NEGR1: variants seen among roughly 807,000 people sequenced by gnomAD.
NEGR1 encodes the protein IgLON family member 4.
In NEGR1, 10 loss-of-function variants were observed where a neutral mutation model predicts 40.9. The observed-to-expected ratio is 0.24, with a 90% CI of 0.15 to 0.42. The LOEUF (loss-of-function observed/expected upper bound fraction) is 0.42, where lower values mean the gene tolerates loss of function less well. Among genes scored for constraint, NEGR1 ranks in the 10% least tolerant of loss-of-function variants. The probability of loss-of-function intolerance (pLI) is 1.00; values close to 1 mark genes in which losing one functional copy is unlikely to be tolerated. For missense variants in NEGR1, 352 were observed against 438.9 expected, an observed-to-expected ratio of 0.80 and a Z score of 1.77; for synonymous variants, 185 against 166.8, an observed-to-expected ratio of 1.11 and a Z score of -0.84.
At chr1:71,604,274 C>A (rs572628826) in intron 5 of NEGR1, among the ~76,000 whole-genome samples, 1 of 152,008 alleles carries the variant, frequency 6.6e-6, no homozygotes, top group Non-Finnish European at 1.5e-5. Flanking sequence ...CATAATAAAG[C>A]CTTGAAAATC....
intron 1 of NEGR1, among the ~76,000 whole-genome samples, chr1:71,988,915 T>C (rs1377629194): frequency 3.4e-5 from 4 of 119,158 alleles, no homozygotes; most frequent in African/African-American, 1.3e-4. Context: ...CTCTATCATA[T>C]TGGATGTTAA....
At chr1:71,493,211 C>A (rs979082975) in intron 6 of NEGR1, among the ~76,000 whole-genome samples, 2 of 152,120 alleles carry the variant, frequency 1.3e-5, no homozygotes, top group Admixed American at 6.6e-5. Flanking sequence ...AATCCAGGCT[C>A]TCCCTCATCT....
intron 2 of NEGR1, among the ~76,000 whole-genome samples, chr1:71,850,796 G>A: frequency 6.6e-6 from 1 of 151,906 alleles, no homozygotes; most frequent in East Asian, 1.9e-4. Flanking sequence ...ATTATTTTAA[G>A]GTACCATTAT....
chr1:72,058,848 C>A (rs912951245), intron 1 of NEGR1, among the ~76,000 whole-genome samples: 1 of 151,506 alleles, frequency 6.6e-6, no homozygotes, highest in Non-Finnish European at 1.5e-5. Context: ...CCTTTAATTC[C>A]TTTCATGCAC....
intron 6 of NEGR1, among the ~76,000 whole-genome samples, chr1:71,413,633 T>C (rs1646337772): frequency 1.3e-5 from 2 of 152,112 alleles, no homozygotes; most frequent in Admixed American, 6.5e-5. Context: ...GAGAACAGCA[T>C]GGTGAGTGAA....
intron 1 of NEGR1, among the ~76,000 whole-genome samples, chr1:72,099,603 T>C (rs1438897321): frequency 1.3e-5 from 2 of 152,032 alleles, no homozygotes; most frequent in Non-Finnish European, 2.9e-5. Context: ...TCCTGGTAAG[T>C]AGACTTGGTG....
chr1:72,045,182 C>T (rs1389002312), intron 1 of NEGR1, among the ~76,000 whole-genome samples: 3 of 151,858 alleles, frequency 2.0e-5, no homozygotes, highest in Middle Eastern at 3.4e-3. Context: ...GAAAGCTACT[C>T]GAAGTTTCTT....
At chr1:71,614,172 G>A (rs986720097) in intron 4 of NEGR1, among the ~76,000 whole-genome samples, 1 of 151,312 alleles carries the variant, frequency 6.6e-6, no homozygotes. Flanking sequence ...TGAAAAAAAT[G>A]AAATAATATT....
intron 2 of NEGR1, among the ~76,000 whole-genome samples, chr1:71,782,584 C>T (rs987179188): frequency 2.6e-5 from 4 of 152,024 alleles, no homozygotes; most frequent in African/African-American, 9.7e-5. Flanking sequence ...GTGCTTTATT[C>T]AACAGCATAT....
At chr1:71,810,783 C>A (rs1054031124) in intron 2 of NEGR1, among the ~76,000 whole-genome samples, 1 of 152,062 alleles carries the variant, frequency 6.6e-6, no homozygotes, top group African/African-American at 2.4e-5. Flanking sequence ...GGAAAATGTG[C>A]CTGCTTCCTC....
At chr1:72,062,106 G>T (rs1647186498) in intron 1 of NEGR1, among the ~76,000 whole-genome samples, 1 of 151,742 alleles carries the variant, frequency 6.6e-6, no homozygotes, top group Non-Finnish European at 1.5e-5. Context: ...TTCCAAATTG[G>T]CATGGGCTTT....
At chr1:71,689,678 A>G (rs1203333863) in intron 4 of NEGR1, among the ~76,000 whole-genome samples, 1 of 152,020 alleles carries the variant, frequency 6.6e-6, no homozygotes, top group Non-Finnish European at 1.5e-5. Context: ...ATTCATTATT[A>G]ATCTTCATTA....
At chr1:72,038,726 G>A (rs1646926446) in intron 1 of NEGR1, among the ~76,000 whole-genome samples, 1 of 151,920 alleles carries the variant, frequency 6.6e-6, no homozygotes, top group African/African-American at 2.4e-5. Context: ...ACATTAGAAA[G>A]AGATAGAAAA....
At chr1:72,211,616 A>G (rs902998598) in intron 1 of NEGR1, among the ~76,000 whole-genome samples, 1 of 150,436 alleles carries the variant, frequency 6.6e-6, no homozygotes, top group Admixed American at 6.7e-5. Context: ...TTAAATATAT[A>G]TATTATTTTT....
intron 1 of NEGR1, among the ~76,000 whole-genome samples, chr1:72,227,615 T>A (rs1241783740): frequency 1.3e-5 from 2 of 152,104 alleles, no homozygotes; most frequent in East Asian, 3.9e-4. Context: ...TGGCTTTTAC[T>A]AAGCTTAGAC....
intron 1 of NEGR1, among the ~76,000 whole-genome samples, chr1:72,168,905 G>C (rs1346269257): frequency 1.3e-5 from 2 of 151,958 alleles, no homozygotes; most frequent in Non-Finnish European, 2.9e-5. Flanking sequence ...GTCTTCAAAA[G>C]AGAGAAAACA....
chr1:71,990,079 A>G (rs1003155384), intron 1 of NEGR1, among the ~76,000 whole-genome samples: 2 of 152,212 alleles, frequency 1.3e-5, no homozygotes, highest in Non-Finnish European at 2.9e-5. Context: ...TGTATAAAAT[A>G]CTTTTATTAT....
At chr1:71,660,914 T>C (rs1350191975) in intron 4 of NEGR1, among the ~76,000 whole-genome samples, 3 of 152,162 alleles carry the variant, frequency 2.0e-5, no homozygotes, top group South Asian at 4.2e-4. Flanking sequence ...TATGATCTCA[T>C]TGTTCAACTT....
chr1:72,275,158 T>C (rs1292790691), intron 1 of NEGR1: 2 of 649,026 alleles, frequency 3.1e-6, no homozygotes, highest in African/African-American at 3.7e-5. Context: ...CCATGTGTTT[T>C]TCTAATTGAA....
Sources: gnomAD v4.1 joint callset for allele counts (sites outside exome capture counted in the v4.1 genomes callset) on GRCh38, gnomAD v4.1.1 for gene constraint, MANE v1.5 for transcripts, NCBI Gene and HGNC (gene_info 2026-07-23, HGNC 2026-07-21) for gene names.